Variants in STON1 observed in about 807,000 individuals in gnomAD.
The protein encoded by STON1 is stonin-1.
A neutral mutation model predicts 60.9 loss-of-function variants in STON1; 79 were observed. That is an observed-to-expected ratio of 1.30 (90% CI 1.08 to 1.56). STON1 has a LOEUF of 1.56. Among genes scored for constraint, STON1 ranks in the 40% most tolerant of loss-of-function variants. STON1 has a pLI of 0.00. For synonymous variants in STON1, 363 were observed against 306.9 expected (o/e 1.18, Z -1.91); for missense variants, 1,166 against 858.9 (o/e 1.36, Z -4.47).
chr2:48,577,237 C>T (rs1465503272), intron 1 of STON1, among the ~76,000 whole-genome samples: 1 of 151,778 alleles, frequency 6.6e-6, no homozygotes, highest in African/African-American at 2.4e-5. Flanking sequence ...TCCAAGAAAT[C>T]ATTGCCAAGA....
At chr2:48,575,635 A>G (rs1445147614) in intron 1 of STON1, among the ~76,000 whole-genome samples, 1 of 151,084 alleles carries the variant, frequency 6.6e-6, no homozygotes, top group African/African-American at 2.4e-5. Flanking sequence ...CCTGGGCAAC[A>G]AGAGCAAAAC....
Position 48,582,345 on chromosome 2 carries a change from A to G in STON1, c.1712A>G (p.His571Arg). The G allele has an allele frequency of 6.2e-7, 1 of 1,614,186 alleles. No individual in the cohort carries two copies. Reference protein sequence around the residue: ...SLRSCDNIRIHFPVPSQWIKA... With the variant: ...SLRSCDNIRIRFPVPSQWIKA... ...AGGTCCTGTGACAATATAAGGATAC[A>G]CTTTCCTGTCCCATCGCAGTGGATC... The change falls in exon 2 of 4, where the codon CAC (histidine) becomes CGC (arginine). Residue 571 changes from histidine (H) to arginine (R), a missense_variant. Coordinates refer to ENST00000404752, the MANE Select transcript of STON1 (RefSeq NM_006873.4).
chr2:48,569,090 A>G lies in STON1; in HGVS notation c.-47-11497A>G, dbSNP rs140216510. 2.6e-4 allele frequency: 40 copies of G among 152,348 alleles called. No homozygotes were observed. The East Asian group carries it at 3.9e-3, about 15-fold the overall frequency. The allele number at this position is 152,348 out of a possible 1,614,324, so 9.4% of individuals were successfully genotyped here. ...CTTACTGGTCGAGCAACTTTAGGCA[A>G]GTAGCTTAACTCCTCCGAACTTATT... On this transcript the variant is annotated intron_variant, in intron 1 of 3. Transcript: ENST00000404752.
intron 2 of STON1, among the ~76,000 whole-genome samples, chr2:48,589,172 C>G (rs571570533): frequency 6.6e-6 from 1 of 152,236 alleles, no homozygotes; most frequent in East Asian, 1.9e-4. Context: ...GTTGGTTGCT[C>G]TCTCCTCCTC....
At chr2:48,530,244 A>G (rs1444012912) in intron 1 of STON1, 28 bp downstream of exon 1, 4 of 364,332 alleles carry the variant, frequency 1.1e-5, no homozygotes, top group South Asian at 8.2e-5. Context: ...GGGGACAGAG[A>G]CGGGAGGCCT....
chr2:48,595,448 C>T lies in STON1; in HGVS notation c.*146C>T, dbSNP rs943095431. On this transcript the variant is annotated 3_prime_UTR_variant, in exon 4 of 4. Coordinates refer to ENST00000404752, the MANE Select transcript of STON1 (RefSeq NM_006873.4). ...ATGGCTGTGTTTAGAGAAGTTTAGA[C>T]CTAAAACCGAACAATCTGTATTTTT... 9 of 643,568 alleles carry T rather than the reference C, an allele frequency of 1.4e-5. No individual in the cohort carries two copies. The highest frequency in any genetic ancestry group is 2.4e-5 in the Non-Finnish European group (9 of 380,398). 39.9% of individuals were successfully genotyped at this position (643,568 alleles called of 1,614,324 possible).
At chr2:48,557,111 G>A (rs1257302259) in intron 1 of STON1, among the ~76,000 whole-genome samples, 2 of 102,180 alleles carry the variant, frequency 2.0e-5, no homozygotes, top group Admixed American at 9.3e-5. Context: ...GGTGGCTGCC[G>A]GGCGGAGACG....
chr2:48,550,673 C>G (rs957597772), intron 1 of STON1, among the ~76,000 whole-genome samples: 6 of 151,192 alleles, frequency 4.0e-5, no homozygotes, highest in African/African-American at 1.5e-4. Context: ...AATTAGGAAA[C>G]TGAGGCTCAA....
intron 1 of STON1, among the ~76,000 whole-genome samples, chr2:48,564,447 TTCTTCTTCTTCTTCTTCTTCTTCTTC>T (rs1672758429): frequency 1.1e-4 from 6 of 52,364 alleles, no homozygotes; most frequent in African/African-American, 4.3e-4. Context: ...CTTCTTCTTC[TTCTTCTTCTTCTTCTTCTTCTTCTTC>T]TTCTTCTTTC....
chr2:48,593,400 C>G (rs1674635808), intron 3 of STON1, among the ~76,000 whole-genome samples: 1 of 152,114 alleles, frequency 6.6e-6, no homozygotes, highest in Admixed American at 6.6e-5. Context: ...GAGGTGTGAG[C>G]CACCACACCT....
At chr2:48,593,282 A>AT (rs1430405254) in intron 3 of STON1, among the ~76,000 whole-genome samples, 2 of 151,230 alleles carry the variant, frequency 1.3e-5, no homozygotes, top group Non-Finnish European at 3.0e-5. Flanking sequence ...CGCCTGGCTA[A>AT]TTTTTTGTGT....
At chr2:48,544,884 T>C (rs1360072907) in intron 1 of STON1, among the ~76,000 whole-genome samples, 1 of 152,210 alleles carries the variant, frequency 6.6e-6, no homozygotes, top group African/African-American at 2.4e-5. Context: ...TTTGTTGGCA[T>C]TGGTTTAATG....
In STON1 at chr2:48,580,946, A is replaced by C; in HGVS notation, c.313A>C (p.Ile105Leu). ...AGCAGGGACTCATGTGCTTTATCCTATTCCAGAATCATCTTCAGACAGCCC... is the reference window on the plus strand; with the variant it reads ...AGCAGGGACTCATGTGCTTTATCCTCTTCCAGAATCATCTTCAGACAGCCC... The part of the protein sequence containing the change: ...PKAGTHVLYP[I>L]PESSSDSPLA... The change falls in exon 2 of 4, where the codon ATT (isoleucine) becomes CTT (leucine). Residue 105 changes from isoleucine (I) to leucine (L), a missense_variant. Coordinates refer to ENST00000404752, the MANE Select transcript of STON1 (RefSeq NM_006873.4). The C allele has an allele frequency of 6.3e-7, 1 of 1,594,502 alleles. No homozygotes were observed. The highest frequency in any genetic ancestry group is 8.5e-7 in the Non-Finnish European group (1 of 1,172,786).
chr2:48,586,950 G>C (rs1311926868), intron 2 of STON1, among the ~76,000 whole-genome samples: 2 of 152,036 alleles, frequency 1.3e-5, no homozygotes, highest in African/African-American at 4.8e-5. Context: ...GGAGGGAATG[G>C]GACAAGGTCA....
intron 1 of STON1, among the ~76,000 whole-genome samples, chr2:48,549,474 G>C (rs965786049): frequency 5.3e-5 from 8 of 152,112 alleles, no homozygotes; most frequent in African/African-American, 1.9e-4. Flanking sequence ...AAAGATGTGG[G>C]TGCCCTGAGG....
chr2:48,571,068 C>T (rs1673184698), intron 1 of STON1, among the ~76,000 whole-genome samples: 2 of 152,046 alleles, frequency 1.3e-5, no homozygotes. Flanking sequence ...GTTGGCCAGG[C>T]TGCTCTTGAA....
At chr2:48,556,612 TG>T (rs1318027534) in intron 1 of STON1, among the ~76,000 whole-genome samples, 1 of 824 alleles carries the variant, frequency 1.2e-3, no homozygotes, top group African/African-American at 5.4e-3. Flanking sequence ...GCTGGCCGGG[TG>T]GGGGGGCTGA....
intron 1 of STON1, among the ~76,000 whole-genome samples, chr2:48,554,722 T>TTA (rs1553357134): frequency 1.0e-5 from 1 of 99,458 alleles, no homozygotes; most frequent in Non-Finnish European, 2.0e-5. Flanking sequence ...TTTTTTTTTT[T>TTA]TTTATTTATT....
intron 1 of STON1, among the ~76,000 whole-genome samples, chr2:48,575,139 T>G (rs1324695393): frequency 1.3e-5 from 2 of 152,244 alleles, no homozygotes; most frequent in Admixed American, 1.3e-4. Context: ...ATGGGCTTAC[T>G]GCACTTAGCA....
Sources: allele counts gnomAD v4.1 joint callset (sites outside exome capture counted in the v4.1 genomes callset), GRCh38; gene constraint gnomAD v4.1.1; transcripts MANE v1.5; gene names NCBI Gene and HGNC (gene_info 2026-07-23, HGNC 2026-07-21).